The following MARCHF4 variants were observed in gnomAD, a reference collection of about 807,000 sequenced individuals.
MARCHF4 encodes E3 ubiquitin-protein ligase MARCHF4.
Under a neutral mutation model 43.9 loss-of-function variants are expected in MARCHF4, and 14 were observed. That is an observed-to-expected ratio of 0.32 (90% CI 0.21 to 0.50). The LOEUF is 0.50. MARCHF4 is among the 20% of genes least tolerant of loss of function. The pLI, the probability that MARCHF4 is intolerant of heterozygous loss-of-function variation, is 0.98. For missense variants in MARCHF4, 468 were observed against 536.7 expected (o/e 0.87, Z 1.27); for synonymous variants, 226 against 213.3 (o/e 1.06, Z -0.52).
At chr2:216,302,494 C>G in intron 1 of MARCHF4, among the ~76,000 whole-genome samples, 1 of 151,660 alleles carries the variant, frequency 6.6e-6, no homozygotes, top group East Asian at 1.9e-4. Context: ...TCCCAAAGTG[C>G]TGGGATTACA....
intron 3 of MARCHF4, among the ~76,000 whole-genome samples, chr2:216,261,410 CT>C (rs891903944): frequency 3.5e-4 from 53 of 152,330 alleles, no homozygotes; most frequent in Non-Finnish European, 7.2e-4. Flanking sequence ...CCCTCTCCTT[CT>C]TGTAAGAACA....
At chr2:216,328,074 G>T (rs1247737795) in intron 1 of MARCHF4, among the ~76,000 whole-genome samples, 1 of 152,082 alleles carries the variant, frequency 6.6e-6, no homozygotes, top group Admixed American at 6.5e-5. Context: ...CCCTGTTGTA[G>T]TTCATACAGT....
intron 1 of MARCHF4, among the ~76,000 whole-genome samples, chr2:216,322,018 T>C (rs6728666): frequency 0.6 from 91,495 of 152,030 alleles, 28,542 homozygotes; most frequent in East Asian, 0.79. Flanking sequence ...TTTTACAAGT[T>C]GCTGTGACTG....
intron 1 of MARCHF4, chr2:216,321,443 T>C (rs1691894235): frequency 6.6e-6 from 1 of 152,222 alleles, no homozygotes; most frequent in African/African-American, 2.4e-5. Flanking sequence ...AAGAGGGGAT[T>C]GGTCGGTCCT....
intron 3 of MARCHF4, among the ~76,000 whole-genome samples, chr2:216,262,455 G>C (rs149428523): frequency 8.5e-5 from 13 of 152,312 alleles, no homozygotes; most frequent in African/African-American, 3.1e-4. Flanking sequence ...TGGAGCCCAG[G>C]CTGGGGATGA....
intron 1 of MARCHF4, among the ~76,000 whole-genome samples, chr2:216,350,965 A>G (rs983721034): frequency 6.6e-6 from 1 of 152,182 alleles, no homozygotes; most frequent in Admixed American, 6.5e-5. Context: ...TGGAGCCAGG[A>G]GCCCAGAACC....
At chr2:216,332,307 G>A (rs578011862) in intron 1 of MARCHF4, among the ~76,000 whole-genome samples, 3 of 151,348 alleles carry the variant, frequency 2.0e-5, no homozygotes, top group African/African-American at 7.3e-5. Context: ...CACAAGAATC[G>A]CTTGAACCCG....
At chr2:216,346,062 G>C (rs181355443) in intron 1 of MARCHF4, among the ~76,000 whole-genome samples, 1 of 152,046 alleles carries the variant, frequency 6.6e-6, no homozygotes, top group African/African-American at 2.4e-5. Flanking sequence ...GTTGTCTCTC[G>C]GGCTTAACAG....
At chr2:216,336,821 G>A (rs564581196) in intron 1 of MARCHF4, among the ~76,000 whole-genome samples, 20 of 144,982 alleles carry the variant, frequency 1.4e-4, no homozygotes, top group African/African-American at 4.5e-4. Flanking sequence ...AAATGTGAAT[G>A]GGATTCATTG....
chr2:216,272,489 T>C (rs188694287), intron 3 of MARCHF4, among the ~76,000 whole-genome samples: 127 of 152,270 alleles, frequency 8.3e-4, no homozygotes, highest in African/African-American at 3.0e-3. Flanking sequence ...AAGCTCTGCA[T>C]TTGCAATTTT....
chr2:216,291,053 T>C (rs1271827647), intron 1 of MARCHF4, among the ~76,000 whole-genome samples: 2 of 152,080 alleles, frequency 1.3e-5, no homozygotes, highest in Non-Finnish European at 2.9e-5. Flanking sequence ...TGTTAAAAGC[T>C]GAGTCTGAAT....
chr2:216,330,023 A>G (rs1211539222), intron 1 of MARCHF4, among the ~76,000 whole-genome samples: 3 of 152,012 alleles, frequency 2.0e-5, no homozygotes, highest in Admixed American at 6.6e-5. Flanking sequence ...CCTGCAGCCC[A>G]GGATTTTGAG....
At chr2:216,275,541 A>G (rs1486977469) in intron 3 of MARCHF4, among the ~76,000 whole-genome samples, 1 of 152,228 alleles carries the variant, frequency 6.6e-6, no homozygotes, top group Non-Finnish European at 1.5e-5. Flanking sequence ...TTAATCCCAG[A>G]TAAGAACCTT....
chr2:216,262,546 T>C (rs1271140748), intron 3 of MARCHF4, among the ~76,000 whole-genome samples: 1 of 152,082 alleles, frequency 6.6e-6, no homozygotes, highest in Non-Finnish European at 1.5e-5. Flanking sequence ...AGAGGATTAT[T>C]GGAGTCAGTG....
intron 1 of MARCHF4, among the ~76,000 whole-genome samples, chr2:216,358,357 AAC>A (rs1413133105): frequency 6.6e-6 from 1 of 152,160 alleles, no homozygotes; most frequent in African/African-American, 2.4e-5. Context: ...TTATGCCAGG[AAC>A]AGTCTTCATT....
intron 2 of MARCHF4, among the ~76,000 whole-genome samples, chr2:216,281,995 C>T (rs990264116): frequency 1.1e-4 from 17 of 152,084 alleles, no homozygotes; most frequent in Non-Finnish European, 1.3e-4. Flanking sequence ...GGGGTGGGCT[C>T]ATGAGTTTGG....
chr2:216,357,615 C>G (rs1485781121), intron 1 of MARCHF4, among the ~76,000 whole-genome samples: 1 of 152,218 alleles, frequency 6.6e-6, no homozygotes, highest in African/African-American at 2.4e-5. Context: ...GCCACCATGT[C>G]CAGCCTTCAT....
chr2:216,295,947 A>C (rs1410904565), intron 1 of MARCHF4, among the ~76,000 whole-genome samples: 1 of 152,192 alleles, frequency 6.6e-6, no homozygotes, highest in African/African-American at 2.4e-5. Context: ...GGAGTTCGAG[A>C]CCAGCCTGGC....
At chr2:216,307,538 G>GTT (rs35397715) in intron 1 of MARCHF4, among the ~76,000 whole-genome samples, 10 of 150,748 alleles carry the variant, frequency 6.6e-5, no homozygotes, top group African/African-American at 7.3e-5. Flanking sequence ...TCAAATCAAC[G>GTT]TTTTTTTTTG....
Sources: allele counts gnomAD v4.1 joint callset (sites outside exome capture counted in the v4.1 genomes callset), GRCh38; gene constraint gnomAD v4.1.1; transcripts MANE v1.5; gene names NCBI Gene and HGNC (gene_info 2026-07-23, HGNC 2026-07-21).